TENM3: variants seen among roughly 807,000 people sequenced by gnomAD.
TENM3 encodes teneurin-3.
Under a neutral mutation model 255.1 loss-of-function variants are expected in TENM3, and 63 were observed. The ratio of observed to expected loss-of-function variants is 0.25; its 90% CI spans 0.20 to 0.30. The LOEUF (loss-of-function observed/expected upper bound fraction) is 0.30, where lower values mean the gene tolerates loss of function less well. Among genes scored for constraint, TENM3 ranks in the 10% least tolerant of loss-of-function variants. The probability of loss-of-function intolerance (pLI) is 1.00; values close to 1 mark genes in which losing one functional copy is unlikely to be tolerated. For missense variants in TENM3, 2,929 were observed against 3,461.1 expected (o/e 0.85, Z 3.86); for synonymous variants, 1,306 against 1,322.3 (o/e 0.99, Z 0.27).
the TENM3 span, among the ~76,000 whole-genome samples, chr4:181,789,403 T>C: frequency 9.9e-5 from 15 of 151,700 alleles, no homozygotes; most frequent in African/African-American, 2.7e-4. Context: ...ATTACAGGCA[T>C]GCACCACCAT....
chr4:182,503,022 A>T (rs1354526783), intron 3 of TENM3, among the ~76,000 whole-genome samples: 1 of 149,344 alleles, frequency 6.7e-6, no homozygotes, highest in Non-Finnish European at 1.5e-5. Context: ...TCTCTTGTCC[A>T]AAGTTTAGAC....
the TENM3 span, among the ~76,000 whole-genome samples, chr4:181,456,864 A>C: frequency 8.5e-6 from 1 of 117,360 alleles, no homozygotes; most frequent in African/African-American, 3.4e-5. Flanking sequence ...TCTCTGAATA[A>C]ATACAAAATT....
chr4:182,433,945 C>T (rs1032255791), intron 3 of TENM3, among the ~76,000 whole-genome samples: 2 of 151,992 alleles, frequency 1.3e-5, no homozygotes, highest in Admixed American at 1.3e-4. Context: ...TGGGAACCCA[C>T]CTCTACAAAA....
chr4:182,775,375 G>A (rs1176715451), intron 24 of TENM3, among the ~76,000 whole-genome samples: 9 of 152,128 alleles, frequency 5.9e-5, no homozygotes, highest in Non-Finnish European at 4.4e-5. Context: ...AAAGCAATAG[G>A]ACACTAGAGG....
the TENM3 span, among the ~76,000 whole-genome samples, chr4:181,750,350 A>G: frequency 6.6e-6 from 1 of 152,024 alleles, no homozygotes; most frequent in Non-Finnish European, 1.5e-5. Context: ...GCTAAAGAAA[A>G]TTTCATCTTC....
intron 11 of TENM3, 109 bp downstream of exon 11, chr4:182,682,123 G>A: frequency 1.2e-6 from 1 of 851,874 alleles, no homozygotes; most frequent in Non-Finnish European, 1.8e-6. Context: ...TTTTAGTAAA[G>A]TGATTCTTTA....
chr4:182,069,590 T>A, the TENM3 span, among the ~76,000 whole-genome samples: 1 of 152,130 alleles, frequency 6.6e-6, no homozygotes. Context: ...ATTTTCAAAA[T>A]TCTGCAGGTG....
At position 182,601,049 on chromosome 4, in the gene TENM3, A is replaced by G; in HGVS notation, c.637A>G (p.Asn213Asp). Reference protein sequence around the residue: ...LNRNSLTNRRNQSPAPPAALP... With the variant: ...LNRNSLTNRRDQSPAPPAALP... ...CAGAAACTCCCTGACCAATAGAAGG[A>G]ACCAGAGTCCGGCCCCGCCGGCTGC... Residue 213 changes from asparagine (N) to aspartate (D), a missense_variant, in exon 4 of 28, where the codon AAC (asparagine) becomes GAC (aspartate). By Grantham distance (23) the Asn-to-Asp change is conservative. Around this residue, in one of 6 missense-constraint regions of TENM3, gnomAD observed 283 missense variants for 256.9 expected, o/e 1.10. Transcript: ENST00000511685. 6.2e-7 allele frequency: 1 copy of G among 1,613,822 alleles called. No homozygotes were observed. Among genetic ancestry groups the G allele is most frequent in the Non-Finnish European group, 8.5e-7 (1 of 1,179,836 alleles).
rs141995621 is a variant in TENM3 at position 182,410,419 on chromosome 4, G to T, written c.511+63490G>T. Among the ~76,000 whole-genome samples, 786 of 152,350 alleles carry T rather than the reference G, an allele frequency of 5.2e-3. 7 individuals carry two copies. The highest frequency in any genetic ancestry group is 6.6e-3 in the Non-Finnish European group (449 of 68,030). On this transcript the variant is annotated intron_variant, in intron 3 of 27. Coordinates refer to ENST00000511685, the MANE Select transcript of TENM3 (RefSeq NM_001080477.4). ...GCCCACGCAGAGCAGGGCAGCAGAG[G>T]CTTGGCAGCCAGGAGTCTCCTTGCC... is the stretch of plus-strand genomic sequence containing the variant.
the TENM3 span, among the ~76,000 whole-genome samples, chr4:181,553,504 C>T: frequency 6.1e-3 from 929 of 151,980 alleles, 6 homozygotes; most frequent in African/African-American, 0.02. Flanking sequence ...TGCAGGGGCG[C>T]GATCTCGGCT....
At chr4:181,892,138 G>T in the TENM3 span, among the ~76,000 whole-genome samples, 1 of 152,196 alleles carries the variant, frequency 6.6e-6, no homozygotes, top group East Asian at 1.9e-4. Flanking sequence ...ATAGTTTGTG[G>T]GATTTTGTTG....
intron 1 of TENM3, among the ~76,000 whole-genome samples, chr4:182,231,541 T>A (rs1756581804): frequency 6.6e-6 from 1 of 152,190 alleles, no homozygotes; most frequent in Non-Finnish European, 1.5e-5. Context: ...GGGCAGCTGC[T>A]TATGACCTTA....
chr4:182,726,618 T>A (rs191358233), intron 13 of TENM3, among the ~76,000 whole-genome samples: 1 of 152,154 alleles, frequency 6.6e-6, no homozygotes, highest in Non-Finnish European at 1.5e-5. Flanking sequence ...GGGAAGGTTA[T>A]GCACATGGCC....
chr4:182,122,549 G>A, the TENM3 span, among the ~76,000 whole-genome samples: 1 of 152,164 alleles, frequency 6.6e-6, no homozygotes, highest in African/African-American at 2.4e-5. Context: ...TATTTTGAAA[G>A]GCATCATTTT....
the TENM3 span, among the ~76,000 whole-genome samples, chr4:181,547,811 C>CT: frequency 1.2e-3 from 186 of 151,646 alleles, 1 homozygote; most frequent in African/African-American, 4.2e-3. Context: ...TTTATTTTTT[C>CT]TTTTTTTTAT....
intron 1 of TENM3, among the ~76,000 whole-genome samples, chr4:182,295,268 T>C (rs957793259): frequency 3.1e-5 from 4 of 127,494 alleles, no homozygotes; most frequent in Non-Finnish European, 6.7e-5. Context: ...TTTCTTTTTT[T>C]TTTTTTTTTT....
intron 3 of TENM3, among the ~76,000 whole-genome samples, chr4:182,432,849 G>GTGTGTGTGTGTGTGTGTGTGTGTGTGTGT (rs1554066038): frequency 0.21 from 29,719 of 142,558 alleles, 3,801 homozygotes; most frequent in Non-Finnish European, 0.25. Context: ...AATGGATTTG[G>GTGTGTGTGTGTGTGTGTGTGTGTGTGTGT]GTGTGTGTGT....
chr4:181,687,454 C>T, the TENM3 span, among the ~76,000 whole-genome samples: 2 of 152,126 alleles, frequency 1.3e-5, no homozygotes, highest in African/African-American at 4.8e-5. Flanking sequence ...TTATAAAATG[C>T]TGACATTCTT....
intron 1 of TENM3, among the ~76,000 whole-genome samples, chr4:182,266,677 A>T (rs1759264877): frequency 6.6e-6 from 1 of 152,218 alleles, no homozygotes. Flanking sequence ...TATAAAAATC[A>T]TACAGGAAGC....
Sources: gnomAD v4.1 joint callset for allele counts (sites outside exome capture counted in the v4.1 genomes callset) on GRCh38, gnomAD v4.1.1 for gene constraint, gnomAD v4.1.1 regional missense constraint, MANE v1.5 for transcripts, NCBI Gene and HGNC (gene_info 2026-07-23, HGNC 2026-07-21) for gene names.